The following ITPR1 variants were observed in gnomAD, a reference collection of about 807,000 sequenced individuals.
ITPR1 encodes the protein inositol 1,4,5-trisphosphate-gated calcium channel ITPR1.
ITPR1 carries 96 observed loss-of-function variants against 318.4 expected under a neutral mutation model. That is an observed-to-expected ratio of 0.30 (90% CI 0.26 to 0.36). The LOEUF (loss-of-function observed/expected upper bound fraction) is 0.36. Among genes scored for constraint, ITPR1 ranks in the 10% least tolerant of loss-of-function variants. ITPR1 has a pLI of 1.00. For missense variants in ITPR1, 2,440 were observed against 3,460.2 expected (o/e 0.71, Z 7.40); for synonymous variants, 1,312 against 1,289.9 (o/e 1.02, Z -0.37).
chr3:4,697,455 CTTT>C (rs369934199), intron 34 of ITPR1, among the ~76,000 whole-genome samples, 183 bp downstream of exon 34: 1 of 86,780 alleles, frequency 1.2e-5, no homozygotes, highest in African/African-American at 4.3e-5. Context: ...TCCTTTCTTC[CTTT>C]TTTTTTTTTT....
rs554456999 is a variant in ITPR1 at position 4,754,051 on chromosome 3, G to C, written c.5545-12479G>C. Among the ~76,000 whole-genome samples the C allele has an allele frequency of 1.3e-3, 171 of 129,732 alleles. 2 individuals carry two copies. Among genetic ancestry groups the C allele is most frequent in the South Asian group, 6.6e-3 (26 of 3,968 alleles). 85.1% of individuals were successfully genotyped at this position (129,732 alleles called of 152,430 possible). On this transcript the variant is annotated intron_variant, in intron 44 of 61. Transcript: ENST00000649015. ...GTGACTGCACAAACACAGAAAATGG[G>C]GGGGGGGTGGCAAGGATTATTCTTG...
intron 4 of ITPR1, among the ~76,000 whole-genome samples, chr3:4,524,177 C>A (rs2082784126): frequency 6.6e-6 from 1 of 152,198 alleles, no homozygotes; most frequent in African/African-American, 2.4e-5. Context: ...GGGGCCTAGG[C>A]AGCTCTGCCT....
intron 4 of ITPR1, among the ~76,000 whole-genome samples, chr3:4,575,769 C>G (rs2088580624): frequency 6.6e-6 from 1 of 151,684 alleles, no homozygotes; most frequent in African/African-American, 2.4e-5. Flanking sequence ...GCCTGTAATC[C>G]CAGCACTTTG....
At chr3:4,784,976 G>A (rs1322333338) in intron 51 of ITPR1, among the ~76,000 whole-genome samples, 2 of 152,122 alleles carry the variant, frequency 1.3e-5, no homozygotes, top group Admixed American at 6.5e-5. Context: ...CCTAATCTAG[G>A]GAATGCTCAA....
At chr3:4,547,492 C>A (rs1301857668) in intron 4 of ITPR1, among the ~76,000 whole-genome samples, 1 of 152,196 alleles carries the variant, frequency 6.6e-6, no homozygotes, top group Non-Finnish European at 1.5e-5. Flanking sequence ...TGTATCCAGG[C>A]CTCTATGGCT....
chr3:4,622,448 G>A (rs146607488), intron 4 of ITPR1, among the ~76,000 whole-genome samples: 21,605 of 150,140 alleles, frequency 0.14, 2,125 homozygotes, highest in East Asian at 0.46. Context: ...ATTTTGAGAT[G>A]GAGTCTTGCT....
chr3:4,761,947 G>A (rs1056786423), intron 44 of ITPR1, among the ~76,000 whole-genome samples: 1 of 152,184 alleles, frequency 6.6e-6, no homozygotes, highest in African/African-American at 2.4e-5. Flanking sequence ...ACACCAGGTA[G>A]CAGAGGGGGC....
chr3:4,694,056 C>G (rs927050270), intron 33 of ITPR1, among the ~76,000 whole-genome samples: 2 of 151,932 alleles, frequency 1.3e-5, no homozygotes, highest in East Asian at 1.9e-4. Flanking sequence ...AGAAATGTGA[C>G]GAAGAGTAGG....
chr3:4,740,271 C>T (rs1183527672), intron 44 of ITPR1, among the ~76,000 whole-genome samples: 1 of 152,186 alleles, frequency 6.6e-6, no homozygotes, highest in Admixed American at 6.5e-5. Context: ...GAAAGGGAGA[C>T]ACCATTGTCT....
intron 4 of ITPR1, among the ~76,000 whole-genome samples, chr3:4,565,443 G>A (rs1355064225): frequency 6.6e-6 from 1 of 152,176 alleles, no homozygotes; most frequent in Non-Finnish European, 1.5e-5. Flanking sequence ...CTGAGTTTAT[G>A]TAATACGCAG....
intron 33 of ITPR1, among the ~76,000 whole-genome samples, chr3:4,696,796 T>G (rs9682380): frequency 0.06 from 9,141 of 151,966 alleles, 898 homozygotes; most frequent in African/African-American, 0.21. Context: ...TTCTTCATTG[T>G]TACACGCCTT....
intron 4 of ITPR1, among the ~76,000 whole-genome samples, chr3:4,529,856 C>T (rs995085972): frequency 2.0e-5 from 3 of 152,162 alleles, no homozygotes; most frequent in Admixed American, 6.5e-5. Context: ...ATCCTCATAA[C>T]AACCCCATAA....
intron 24 of ITPR1, among the ~76,000 whole-genome samples, chr3:4,679,486 G>T (rs6786478): frequency 1.2e-4 from 18 of 151,900 alleles, no homozygotes; most frequent in Non-Finnish European, 2.2e-4. Flanking sequence ...AGCTCTGATG[G>T]GCAGGAGAAG....
chr3:4,786,648 C>A (rs562788228), intron 51 of ITPR1, among the ~76,000 whole-genome samples: 4 of 152,082 alleles, frequency 2.6e-5, no homozygotes, highest in African/African-American at 7.2e-5. Flanking sequence ...CCTCCCAGGA[C>A]TATGACACAA....
chr3:4,820,830 G>A (rs976369063), intron 60 of ITPR1, among the ~76,000 whole-genome samples: 1 of 152,196 alleles, frequency 6.6e-6, no homozygotes, highest in Non-Finnish European at 1.5e-5. Context: ...CCCTGCTGCG[G>A]ACTCCTAAGG....
chr3:4,550,916 T>C (rs2085501205), intron 4 of ITPR1, among the ~76,000 whole-genome samples: 1 of 151,708 alleles, frequency 6.6e-6, no homozygotes, highest in South Asian at 2.1e-4. Context: ...AAAGAAACAC[T>C]AACTTGTTGA....
chr3:4,761,836 C>T (rs961495441), intron 44 of ITPR1, among the ~76,000 whole-genome samples: 4 of 152,238 alleles, frequency 2.6e-5, no homozygotes, highest in Non-Finnish European at 5.9e-5. Flanking sequence ...GGAGAACATT[C>T]CATTCCCCAC....
chr3:4,608,170 T>G (rs2091835061), intron 4 of ITPR1, among the ~76,000 whole-genome samples: 1 of 152,180 alleles, frequency 6.6e-6, no homozygotes, highest in South Asian at 2.1e-4. Flanking sequence ...GTTATACATT[T>G]TGCAAAAGCA....
At chr3:4,578,354 A>T (rs2088911251) in intron 4 of ITPR1, among the ~76,000 whole-genome samples, 3 of 152,090 alleles carry the variant, frequency 2.0e-5, no homozygotes, top group Admixed American at 6.5e-5. Context: ...TGCAAAAATC[A>T]TAGGAGGGAG....
Sources: allele counts gnomAD v4.1 joint callset (sites outside exome capture counted in the v4.1 genomes callset), GRCh38; gene constraint gnomAD v4.1.1; transcripts MANE v1.5; gene names NCBI Gene and HGNC (gene_info 2026-07-23, HGNC 2026-07-21).